LAMA4: variants seen among roughly 807,000 people sequenced by gnomAD.
LAMA4 encodes the protein laminin subunit alpha 4.
Under a neutral mutation model 207.1 loss-of-function variants are expected in LAMA4, and 127 were observed. The ratio of observed to expected loss-of-function variants is 0.61; its 90% confidence interval spans 0.53 to 0.71. LAMA4 has a LOEUF of 0.71. LAMA4 is among the 30% of genes least tolerant of loss of function. LAMA4 has a pLI of 0.00. For synonymous variants in LAMA4, 761 were observed against 816.0 expected (o/e 0.93, Z 1.15); for missense variants, 2,093 against 2,246.5 (o/e 0.93, Z 1.38).
At chr6:112,235,441 T>C (rs1785850294) in intron 2 of LAMA4, among the ~76,000 whole-genome samples, 1 of 152,138 alleles carries the variant, frequency 6.6e-6, no homozygotes, top group South Asian at 2.1e-4. Flanking sequence ...GTTGACAAGG[T>C]CATGGAGGGG....
At chr6:112,172,909 A>G in intron 11 of LAMA4, 105 bp from the exon 12 acceptor site, 1 of 814,426 alleles carries the variant, frequency 1.2e-6, no homozygotes, top group South Asian at 1.5e-5. Context: ...TGCCTTCTTT[A>G]GCAATGGAGA....
chr6:112,173,692 A>G (rs1554342710), intron 11 of LAMA4, among the ~76,000 whole-genome samples: 3 of 152,192 alleles, frequency 2.0e-5, no homozygotes, highest in Admixed American at 1.3e-4. Context: ...AAGACTTTAC[A>G]TATTTGCCAC....
intron 2 of LAMA4, among the ~76,000 whole-genome samples, chr6:112,231,358 A>G (rs2114263262): frequency 6.6e-6 from 1 of 152,276 alleles, no homozygotes; most frequent in Non-Finnish European, 1.5e-5. Flanking sequence ...GTCCATATGG[A>G]CACCCAGACT....
chr6:112,175,264 C>A (rs372883834), intron 11 of LAMA4, 49 bp downstream of exon 11: 126 of 1,591,178 alleles, frequency 7.9e-5, no homozygotes, highest in Non-Finnish European at 1.0e-4. Flanking sequence ...ATTGGACCCA[C>A]AAAGAGGGCA....
chr6:112,120,466 C>G lies in LAMA4; in HGVS notation c.4482G>C (p.Gln1494His). The G allele has an allele frequency of 6.2e-7, 1 of 1,612,236 alleles. No homozygotes were observed. The highest frequency in any genetic ancestry group is 8.5e-7 in the Non-Finnish European group (1 of 1,178,462). The change falls in exon 33 of 39, where the codon CAG (glutamine) becomes CAC (histidine). Residue 1494 changes from glutamine to histidine, a missense_variant. Physicochemically the swap from Gln to His is conservative, Grantham distance 24. This residue lies in a region of LAMA4 where 383 missense variants were observed against 437.8 expected (regional missense o/e 0.87). Transcript: ENST00000230538. ...HLKGDFGAKS[Q>H]FSIRLRTRSS... ...AACGAGTTCTCAGACGAATGGAAAA[C>G]TGAGATCTGGTAAATGAAAAGAAAG...
chr6:112,150,208 C>T, intron 17 of LAMA4, among the ~76,000 whole-genome samples: 1 of 75,440 alleles, frequency 1.3e-5, no homozygotes, highest in Admixed American at 1.6e-4. Flanking sequence ...AAAAGACACA[C>T]ACACACACAC....
At chr6:112,253,061 A>T (rs1554190181) in intron 2 of LAMA4, among the ~76,000 whole-genome samples, 2 of 152,246 alleles carry the variant, frequency 1.3e-5, no homozygotes, top group Non-Finnish European at 2.9e-5. Flanking sequence ...GTGTCAATCC[A>T]CATAACTGTT....
intron 9 of LAMA4, among the ~76,000 whole-genome samples, chr6:112,180,491 A>T (rs1554345051): frequency 6.6e-6 from 1 of 152,210 alleles, no homozygotes; most frequent in Non-Finnish European, 1.5e-5. Context: ...CACGTGGGAA[A>T]ACAGGTGCGC....
rs1194592878 is a variant in LAMA4, at chr6:112,189,093, T to C, written c.814+17A>G. The stretch of plus-strand genomic sequence containing the variant: ...TAGAGAAAGTGGGGTTAGTCAATCA[T>C]GTACTGTTATTTTTACTTATGGTTG... On this transcript the variant is annotated intron_variant, in intron 7 of 38. Coordinates refer to ENST00000230538, the MANE Select transcript of LAMA4 (RefSeq NM_001105206.3). 19 of 1,553,780 alleles carry C rather than the reference T, an allele frequency of 1.2e-5. No individual in the cohort carries two copies. Among genetic ancestry groups the C allele is most frequent in the Non-Finnish European group, 1.6e-5 (18 of 1,125,354 alleles).
intron 11 of LAMA4, among the ~76,000 whole-genome samples, chr6:112,173,074 A>G (rs113250231): frequency 1.2e-3 from 189 of 152,316 alleles, no homozygotes; most frequent in African/African-American, 4.1e-3. Context: ...AAACCATATC[A>G]TTATACTATG....
intron 29 of LAMA4, 150 bp downstream of exon 29, chr6:112,130,818 A>T: frequency 1.3e-6 from 1 of 760,958 alleles, no homozygotes; most frequent in Non-Finnish European, 2.2e-6. Flanking sequence ...TAATAGCAAT[A>T]TTTTTTTGAG....
chr6:112,215,831 T>C (rs1313681149), intron 3 of LAMA4, among the ~76,000 whole-genome samples: 2 of 152,194 alleles, frequency 1.3e-5, no homozygotes, highest in Admixed American at 6.5e-5. Flanking sequence ...AAAAATAGTC[T>C]CCTGGGGGCT....
intron 12 of LAMA4, among the ~76,000 whole-genome samples, chr6:112,168,030 C>T (rs1005099754): frequency 1.3e-5 from 2 of 151,964 alleles, no homozygotes; most frequent in African/African-American, 4.8e-5. Context: ...AACCCCATCT[C>T]TACTAAAAAT....
At chr6:112,230,914 G>A (rs782349683) in intron 2 of LAMA4, among the ~76,000 whole-genome samples, 10 of 152,196 alleles carry the variant, frequency 6.6e-5, no homozygotes, top group East Asian at 1.9e-4. Context: ...GAGGCCTAGC[G>A]AAGAAGCAAC....
At chr6:112,184,057 C>A (rs1782534922) in intron 9 of LAMA4, among the ~76,000 whole-genome samples, 1 of 150,592 alleles carries the variant, frequency 6.6e-6, no homozygotes, top group African/African-American at 2.4e-5. Flanking sequence ...ATATTTATTT[C>A]TTGGTATTTC....
intron 2 of LAMA4, among the ~76,000 whole-genome samples, chr6:112,238,192 T>G (rs942171364): frequency 1.3e-5 from 2 of 152,242 alleles, no homozygotes; most frequent in Non-Finnish European, 2.9e-5. Context: ...GAAGAGTTTT[T>G]GTAACATAAG....
intron 20 of LAMA4, 152 bp downstream of exon 20, chr6:112,141,967 A>G: frequency 1.3e-6 from 1 of 747,902 alleles, no homozygotes; most frequent in Non-Finnish European, 2.3e-6. Flanking sequence ...TCCTTTAGTC[A>G]TTCTTTTAAT....
At position 112,150,128 on chromosome 6, in the gene LAMA4, G is replaced by T. The variant is rs76135146; in HGVS notation, c.2173+383C>A. ...AAAGAAATCCAATAACCAAATTAGG[G>T]CATATTGTTATGAGGAAGGATGTTC... is the stretch of plus-strand genomic sequence containing the variant. On this transcript the variant is annotated intron_variant, in intron 17 of 38. Transcript: ENST00000230538. Among the ~76,000 whole-genome samples the T allele has an allele frequency of 5.3e-4, 81 of 151,746 alleles. 2 individuals are homozygous for T. The East Asian group carries it at 8.2e-3, about 15-fold the overall frequency.
At chr6:112,202,818 C>T (rs1783835240) in intron 4 of LAMA4, among the ~76,000 whole-genome samples, 1 of 152,156 alleles carries the variant, frequency 6.6e-6, no homozygotes, top group Non-Finnish European at 1.5e-5. Flanking sequence ...AACAGGAACC[C>T]GCGCTTCCAT....
Sources: allele counts gnomAD v4.1 joint callset (sites outside exome capture counted in the v4.1 genomes callset), GRCh38; gene constraint gnomAD v4.1.1; regional missense constraint gnomAD v4.1.1; transcripts MANE v1.5; gene names NCBI Gene and HGNC (gene_info 2026-07-23, HGNC 2026-07-21).